Variants in TUSC3 observed in about 807,000 individuals in gnomAD.
TUSC3 encodes dolichyl-diphosphooligosaccharide--protein glycosyltransferase subunit TUSC3.
A neutral mutation model predicts 44.8 loss-of-function variants in TUSC3; 45 were observed. That is an observed-to-expected ratio of 1.00 (90% CI 0.79 to 1.29). The LOEUF (loss-of-function observed/expected upper bound fraction) is 1.29. Ranked by LOEUF, TUSC3 falls within the 50% of genes most tolerant of loss-of-function variation. TUSC3 has a pLI of 0.00. For missense variants in TUSC3, 519 were observed against 437.9 expected (o/e 1.19, Z -1.65); for synonymous variants, 212 against 152.9 (o/e 1.39, Z -2.85).
intron 2 of TUSC3, among the ~76,000 whole-genome samples, chr8:15,629,481 G>C (rs932769746): frequency 4.6e-5 from 7 of 151,350 alleles, no homozygotes; most frequent in African/African-American, 1.7e-4. Context: ...TTATATTTCT[G>C]AGTAATAAAT....
At chr8:15,555,231 C>T (rs1261151617) in intron 1 of TUSC3, among the ~76,000 whole-genome samples, 71 of 133,124 alleles carry the variant, frequency 5.3e-4, no homozygotes, top group Non-Finnish European at 1.4e-4. Flanking sequence ...TTACTGCAAC[C>T]TCTGCCTCCT....
intron 6 of TUSC3, among the ~76,000 whole-genome samples, chr8:15,686,346 A>G (rs1808627241): frequency 6.6e-6 from 1 of 152,096 alleles, no homozygotes; most frequent in South Asian, 2.1e-4. Flanking sequence ...GAGGATTGCT[A>G]TGGGTTTGCC....
In TUSC3 at chr8:15,626,222, C is replaced by T. The variant is rs185487287; in HGVS notation, c.308+2973C>T. Among the ~76,000 whole-genome samples the T allele has an allele frequency of 8.8e-4, 134 of 152,308 alleles. No homozygotes were observed. The Middle Eastern group carries it at 0.01, about 12-fold the overall frequency. On this transcript the variant is annotated intron_variant, in intron 2 of 10. Coordinates refer to ENST00000503731, the MANE Select transcript of TUSC3 (RefSeq NM_006765.4). ...TGCCACTCCAGACCCTGTCCCTGGT[C>T]ACTGCTGTCACCTGCCACTTCTACG...
intron 2 of TUSC3, among the ~76,000 whole-genome samples, chr8:15,625,229 C>G (rs1197491661): frequency 6.6e-6 from 1 of 151,858 alleles, no homozygotes; most frequent in Admixed American, 6.6e-5. Context: ...TTATGTGTTG[C>G]TGGATTCAGT....
chr8:15,424,966 G>A (rs1189813556), intron 1 of TUSC3, among the ~76,000 whole-genome samples: 1 of 152,052 alleles, frequency 6.6e-6, no homozygotes. Flanking sequence ...TTATATCGGT[G>A]ATGGCATTGT....
At chr8:15,822,178 C>G in the TUSC3 span, among the ~76,000 whole-genome samples, 1 of 147,710 alleles carries the variant, frequency 6.8e-6, no homozygotes, top group Admixed American at 6.7e-5. Context: ...GAAAACGCTA[C>G]AAATAGAAAA....
chr8:15,601,291 C>T (rs887106074), intron 1 of TUSC3, among the ~76,000 whole-genome samples: 26 of 151,594 alleles, frequency 1.7e-4, no homozygotes, highest in Non-Finnish European at 3.1e-4. Flanking sequence ...CCCCCCGTTG[C>T]CTATAAAAAA....
rs114994911 is a variant in TUSC3 at position 15,655,390 on chromosome 8, A to G, written c.427-4117A>G. ...AAATGAGCATGTGCACAACTTCAGT[A>G]AACACACTGTGCATACGGCCCCTCC... is the stretch of plus-strand genomic sequence containing the variant. On this transcript the variant is annotated intron_variant, in intron 3 of 10. Coordinates refer to ENST00000503731, the MANE Select transcript of TUSC3 (RefSeq NM_006765.4). Among the ~76,000 whole-genome samples the G allele has an allele frequency of 5.9e-3, 905 of 152,332 alleles. 9 individuals carry two copies. Among genetic ancestry groups the G allele is most frequent in the African/African-American group, 0.02 (839 of 41,570 alleles).
chr8:15,805,068 G>C, the TUSC3 span, among the ~76,000 whole-genome samples: 1 of 152,116 alleles, frequency 6.6e-6, no homozygotes, highest in African/African-American at 2.4e-5. Flanking sequence ...GTATTCCTAG[G>C]TATTTTATTT....
chr8:15,540,090 T>C (rs1484090713), upstream of TUSC3: 7 of 271,786 alleles, frequency 2.6e-5, no homozygotes, highest in South Asian at 2.9e-4. Flanking sequence ...TGGCCTCAGA[T>C]TGAGGTCCCA....
At chr8:15,583,046 C>A (rs1049766637) in intron 1 of TUSC3, among the ~76,000 whole-genome samples, 1 of 151,998 alleles carries the variant, frequency 6.6e-6, no homozygotes, top group African/African-American at 2.4e-5. Flanking sequence ...GCTAGGTGAC[C>A]ATGAAGTTGA....
chr8:15,455,854 A>C (rs1329086941), intron 1 of TUSC3, among the ~76,000 whole-genome samples: 1 of 152,180 alleles, frequency 6.6e-6, no homozygotes, highest in Non-Finnish European at 1.5e-5. Flanking sequence ...ATGAGAGACC[A>C]CCAGGCTAGG....
the TUSC3 span, among the ~76,000 whole-genome samples, chr8:15,793,346 C>T: frequency 6.6e-6 from 1 of 152,118 alleles, no homozygotes; most frequent in Non-Finnish European, 1.5e-5. Context: ...TTAGCTCCTC[C>T]TCCTTCTCCA....
At chr8:15,776,288 C>G in the TUSC3 span, among the ~76,000 whole-genome samples, 1 of 151,992 alleles carries the variant, frequency 6.6e-6, no homozygotes, top group African/African-American at 2.4e-5. Flanking sequence ...TGTGGCCTCT[C>G]AAGGAAGAAA....
At chr8:15,603,306 T>A (rs534421142) in intron 1 of TUSC3, among the ~76,000 whole-genome samples, 1 of 151,792 alleles carries the variant, frequency 6.6e-6, no homozygotes, top group Non-Finnish European at 1.5e-5. Flanking sequence ...TAGAGGAATA[T>A]TGAGATGCTA....
At chr8:15,751,417 C>G (rs991919785) in intron 9 of TUSC3, among the ~76,000 whole-genome samples, 10 of 152,136 alleles carry the variant, frequency 6.6e-5, no homozygotes, top group African/African-American at 2.4e-4. Context: ...TTATACTGTT[C>G]TCTTCAGCTG....
At chr8:15,738,037 C>T (rs536448043) in intron 7 of TUSC3, among the ~76,000 whole-genome samples, 7 of 152,102 alleles carry the variant, frequency 4.6e-5, no homozygotes, top group African/African-American at 9.7e-5. Flanking sequence ...GGAGGGTTAG[C>T]GAGCTTAAAG....
intron 1 of TUSC3, among the ~76,000 whole-genome samples, chr8:15,472,352 C>T (rs528421878): frequency 6.6e-6 from 1 of 152,304 alleles, no homozygotes; most frequent in Admixed American, 6.5e-5. Flanking sequence ...AAAGAAATTT[C>T]TGAAACTTTT....
chr8:15,641,835 A>G (rs79826997), intron 2 of TUSC3, among the ~76,000 whole-genome samples: 1 of 152,220 alleles, frequency 6.6e-6, no homozygotes, highest in East Asian at 1.9e-4. Context: ...TGATAAAAGT[A>G]TTATGGTTAT....
Sources: allele counts gnomAD v4.1 joint callset (sites outside exome capture counted in the v4.1 genomes callset), GRCh38; gene constraint gnomAD v4.1.1; transcripts MANE v1.5; gene names NCBI Gene and HGNC (gene_info 2026-07-23, HGNC 2026-07-21).